Variants in TNS1 observed in about 807,000 individuals in gnomAD.
TNS1 encodes the protein tensin 1, also known as tensin-1.
A neutral mutation model predicts 168.6 loss-of-function variants in TNS1; 62 were observed. The observed-to-expected ratio is 0.37, with a 90% confidence interval of 0.30 to 0.45. The LOEUF (loss-of-function observed/expected upper bound fraction) is 0.45. TNS1 is among the 20% of genes least tolerant of loss of function. The pLI is 1.00. For missense variants in TNS1, 2,240 were observed against 2,339.4 expected (o/e 0.96, Z 0.88); for synonymous variants, 934 against 933.2 (o/e 1.00, Z -0.02).
chr2:217,941,668 G>C (rs1445981211), intron 3 of TNS1, among the ~76,000 whole-genome samples: 2 of 152,160 alleles, frequency 1.3e-5, no homozygotes, highest in African/African-American at 4.8e-5. Flanking sequence ...AGACCATCCA[G>C]GTCATCGCCT....
chr2:218,007,528 C>T (rs1958669276), upstream of TNS1, among the ~76,000 whole-genome samples: 2 of 131,632 alleles, frequency 1.5e-5, no homozygotes. Flanking sequence ...TAACTGTTCT[C>T]TCCACTCGCC....
chr2:217,947,232 T>G (rs1387432530), intron 3 of TNS1, among the ~76,000 whole-genome samples: 4 of 150,410 alleles, frequency 2.7e-5, no homozygotes, highest in Non-Finnish European at 5.9e-5. Flanking sequence ...AGGGTAGGCC[T>G]GGGGGTTTCT....
chr2:217,896,451 G>A (rs1952308421), intron 8 of TNS1, among the ~76,000 whole-genome samples: 1 of 152,230 alleles, frequency 6.6e-6, no homozygotes, highest in South Asian at 2.1e-4. Flanking sequence ...CACACAGAGA[G>A]ACACTGAAGA....
intron 8 of TNS1, among the ~76,000 whole-genome samples, chr2:217,896,173 G>A (rs932139902): frequency 6.6e-5 from 10 of 152,216 alleles, no homozygotes; most frequent in Admixed American, 1.3e-4. Context: ...CATGTAGTTA[G>A]TAAAGGCAGA....
At chr2:217,917,829 C>CAAAAAAAAAAAAAAAAAAAAAAAAAA (rs79888115) in intron 4 of TNS1, among the ~76,000 whole-genome samples, 1 of 75,972 alleles carries the variant, frequency 1.3e-5, no homozygotes, top group African/African-American at 4.5e-5. Flanking sequence ...AGACTGTTCT[C>CAAAAAAAAAAAAAAAAAAAAAAAAAA]AAAAAAAAAA....
At chr2:218,010,087 C>G (rs556484132) in intron 1 of TNS1, 1 of 398,840 alleles carries the variant, frequency 2.5e-6, no homozygotes, top group Non-Finnish European at 4.4e-6. Flanking sequence ...CAGGTGTGGC[C>G]GAGAGCATTT....
Position 217,818,163 on chromosome 2 carries a change from C to T in TNS1, c.4169G>A (p.Gly1390Asp), listed in dbSNP as rs1230183452. ...GCTGGCTATTGCATTGCTATGAAGA[C>T]CGGAGGCCAGGTTGCCTTGGTGAGC... ...PGAHQGNLAS[G>D]LHSNAIASPG... The change falls in exon 24 of 33, where the codon GGT becomes GAT. Residue 1390 changes from glycine to aspartate, a missense_variant. Gly to Asp is a moderately conservative substitution (Grantham distance 94). Transcript: ENST00000682258. 1 of 1,614,004 alleles carries T rather than the reference C, an allele frequency of 6.2e-7. No individual in the cohort carries two copies. The highest frequency in any genetic ancestry group is 8.5e-7 in the Non-Finnish European group (1 of 1,179,976).
chr2:217,944,412 C>T (rs1300162179), intron 3 of TNS1, among the ~76,000 whole-genome samples: 7 of 152,090 alleles, frequency 4.6e-5, no homozygotes, highest in Non-Finnish European at 7.4e-5. Context: ...ATAGAAAAGA[C>T]GCAGGTGCAG....
chr2:217,918,477 CAG>C (rs1004835066), intron 4 of TNS1, among the ~76,000 whole-genome samples: 2 of 152,210 alleles, frequency 1.3e-5, no homozygotes, highest in African/African-American at 4.8e-5. Context: ...GGGCACCTCA[CAG>C]AGACACGCAG....
rs1947019474 is a variant in TNS1 at position 217,848,569 on chromosome 2, C to A, written c.1948G>T (p.Val650Phe). ...TAGCCCCCCTCACTGGTGTTGGTGACCCCGTCCAGAGAAGAGAGTGTGCCC... is the reference window on the plus strand; with the variant it reads ...TAGCCCCCCTCACTGGTGTTGGTGAACCCGTCCAGAGAAGAGAGTGTGCCC... ...SMGTLSSLDG[V>F]TNTSEGGYPE... is the part of the protein sequence containing the mutation. The change falls in exon 19 of 33, where the codon GTC becomes TTC. Residue 650 changes from valine to phenylalanine, a missense_variant. By Grantham distance (50) the Val-to-Phe change is conservative (BLOSUM62 -1). This residue lies in a region of TNS1 where 2,131 missense variants were observed against 2,171.2 expected (regional missense o/e 0.98). Transcript: ENST00000682258. 2 of 1,614,140 alleles carry A rather than the reference C, an allele frequency of 1.2e-6. No homozygotes were observed. Among genetic ancestry groups the A allele is most frequent in the Non-Finnish European group, 8.5e-7 (1 of 1,179,998 alleles).
chr2:217,825,676 G>A (rs567591999), intron 22 of TNS1, among the ~76,000 whole-genome samples: 40 of 152,102 alleles, frequency 2.6e-4, no homozygotes, highest in African/African-American at 6.5e-4. Flanking sequence ...TGTGGCTTGC[G>A]GGTGCTTACT....
chr2:217,812,413 T>C lies in TNS1; in HGVS notation c.4987A>G (p.Ile1663Val), dbSNP rs1941089013. ...SLSALVYQHS[I>V]IPLALPCKLV... The stretch of plus-strand genomic sequence containing the variant: ...TTGCAAGGCAGGGCCAATGGGATGA[T>C]GGAGTGCTGGTAGACCAGGGCAGAC... The change falls in exon 28 of 33, where the codon ATC becomes GTC. Residue 1663 changes from isoleucine (I) to valine (V), a missense_variant. This residue lies in a region of TNS1 where 2,131 missense variants were observed against 2,171.2 expected (regional missense o/e 0.98). Coordinates refer to ENST00000682258, the MANE Select transcript of TNS1 (RefSeq NM_001387777.1). The C allele has an allele frequency of 1.2e-6, 2 of 1,614,028 alleles. No homozygotes were observed. The highest frequency in any genetic ancestry group is 1.7e-6 in the Non-Finnish European group (2 of 1,180,008).
chr2:217,858,171 C>A (rs1948382565), intron 18 of TNS1, among the ~76,000 whole-genome samples: 1 of 152,166 alleles, frequency 6.6e-6, no homozygotes, highest in Admixed American at 6.5e-5. Context: ...ACAAGACGAA[C>A]CGTTACCCCC....
intron 18 of TNS1, among the ~76,000 whole-genome samples, chr2:217,877,145 G>A (rs1043669662): frequency 4.6e-5 from 7 of 151,832 alleles, no homozygotes; most frequent in Non-Finnish European, 7.4e-5. Context: ...CCTGGCCCAG[G>A]AGCAGGTGAG....
chr2:217,846,040 A>T (rs1946602826), intron 19 of TNS1, among the ~76,000 whole-genome samples: 1 of 152,170 alleles, frequency 6.6e-6, no homozygotes, highest in Non-Finnish European at 1.5e-5. Context: ...CTGCTGACAA[A>T]GCCAGGGGGG....
intron 1 of TNS1, among the ~76,000 whole-genome samples, chr2:218,023,626 T>C (rs558420376): frequency 6.6e-6 from 1 of 152,314 alleles, no homozygotes; most frequent in African/African-American, 2.4e-5. Flanking sequence ...CTGGGAACTT[T>C]ACATACCTTA....
At chr2:217,967,762 C>A (rs143864596) in intron 3 of TNS1, among the ~76,000 whole-genome samples, 1 of 152,282 alleles carries the variant, frequency 6.6e-6, no homozygotes, top group Non-Finnish European at 1.5e-5. Context: ...AATATCAATT[C>A]TTTACAAATT....
intron 3 of TNS1, among the ~76,000 whole-genome samples, chr2:217,942,912 T>C (rs899339165): frequency 6.6e-6 from 1 of 152,048 alleles, no homozygotes; most frequent in African/African-American, 2.4e-5. Context: ...CCCCACCCAG[T>C]TTCCTCTTCT....
chr2:218,030,544 G>A (rs536861360), intron 1 of TNS1, among the ~76,000 whole-genome samples: 6 of 152,360 alleles, frequency 3.9e-5, no homozygotes, highest in African/African-American at 1.4e-4. Flanking sequence ...TATAGCAGAT[G>A]CTCAAAAATG....
Sources: gnomAD v4.1 joint callset for allele counts (sites outside exome capture counted in the v4.1 genomes callset) on GRCh38, gnomAD v4.1.1 for gene constraint, gnomAD v4.1.1 regional missense constraint, MANE v1.5 for transcripts, NCBI Gene and HGNC (gene_info 2026-07-23, HGNC 2026-07-21) for gene names.